Variants in TENM3 observed in about 807,000 individuals in gnomAD.
The protein encoded by TENM3 is teneurin-3.
TENM3 carries 63 observed loss-of-function variants against 255.1 expected under a neutral mutation model. The ratio of observed to expected loss-of-function variants is 0.25; its 90% CI spans 0.20 to 0.30. The LOEUF is 0.30. TENM3 is among the 10% of genes least tolerant of loss of function. TENM3 has a pLI of 1.00. For synonymous variants in TENM3, 1,306 were observed against 1,322.3 expected (o/e 0.99, Z 0.27); for missense variants, 2,929 against 3,461.1 (o/e 0.85, Z 3.86).
intron 1 of TENM3, among the ~76,000 whole-genome samples, chr4:182,197,204 G>A (rs993042284): frequency 2.6e-5 from 4 of 152,244 alleles, no homozygotes; most frequent in South Asian, 4.1e-4. Flanking sequence ...TGCAGCGGGC[G>A]TTCAGTGTTT....
chr4:182,241,518 C>CTTTTTTCTT (rs1554036905), upstream of TENM3, among the ~76,000 whole-genome samples: 15 of 114,276 alleles, frequency 1.3e-4, no homozygotes, highest in African/African-American at 5.8e-4. Flanking sequence ...TTTTTTCTTT[C>CTTTTTTCTT]TTTTTTTTTT....
chr4:181,796,183 T>C, the TENM3 span, among the ~76,000 whole-genome samples: 2 of 152,166 alleles, frequency 1.3e-5, no homozygotes, highest in Non-Finnish European at 2.9e-5. Context: ...CAGTTCAAAC[T>C]TCTTATTGTC....
At chr4:182,232,076 T>C (rs1045637613) in intron 1 of TENM3, among the ~76,000 whole-genome samples, 1 of 152,234 alleles carries the variant, frequency 6.6e-6, no homozygotes, top group African/African-American at 2.4e-5. Flanking sequence ...CAGGCATCTC[T>C]AGCTGTTTTG....
intron 3 of TENM3, among the ~76,000 whole-genome samples, chr4:182,546,534 C>T (rs1052076449): frequency 2.6e-5 from 4 of 152,042 alleles, no homozygotes; most frequent in Non-Finnish European, 5.9e-5. Context: ...CTCATGGGCT[C>T]GAGCAATCCT....
At chr4:182,266,208 C>T (rs1759234462) in intron 1 of TENM3, among the ~76,000 whole-genome samples, 1 of 152,164 alleles carries the variant, frequency 6.6e-6, no homozygotes, top group South Asian at 2.1e-4. Context: ...TAAGAGTTAA[C>T]ATTATAACAT....
the TENM3 span, among the ~76,000 whole-genome samples, chr4:181,463,672 T>G: frequency 6.6e-6 from 1 of 152,322 alleles, no homozygotes; most frequent in South Asian, 2.1e-4. Context: ...CCATAACATT[T>G]ACCTTTTTTG....
At chr4:181,929,101 T>C in the TENM3 span, among the ~76,000 whole-genome samples, 1 of 152,098 alleles carries the variant, frequency 6.6e-6, no homozygotes, top group Non-Finnish European at 1.5e-5. Flanking sequence ...CCGTCGACAC[T>C]ATGAAGAAAC....
intron 3 of TENM3, among the ~76,000 whole-genome samples, chr4:182,590,513 C>T (rs1746495724): frequency 7.2e-6 from 1 of 138,228 alleles, no homozygotes; most frequent in Non-Finnish European, 1.5e-5. Flanking sequence ...TGGCACATGC[C>T]CAGCAATAGA....
the TENM3 span, among the ~76,000 whole-genome samples, chr4:182,070,272 C>T: frequency 4.6e-5 from 7 of 152,100 alleles, no homozygotes; most frequent in Admixed American, 3.3e-4. Flanking sequence ...TGCATAGTTC[C>T]GCAGCCTCAG....
chr4:182,482,149 A>G (rs1580702391), intron 3 of TENM3, among the ~76,000 whole-genome samples: 1 of 152,206 alleles, frequency 6.6e-6, no homozygotes, highest in East Asian at 1.9e-4. Flanking sequence ...TTATAAAAAT[A>G]ATGTAAATTC....
At chr4:181,950,304 T>C in the TENM3 span, among the ~76,000 whole-genome samples, 1 of 151,920 alleles carries the variant, frequency 6.6e-6, no homozygotes, top group African/African-American at 2.4e-5. Context: ...CCCACCCTTA[T>C]CTTCCTTCGC....
intron 3 of TENM3, among the ~76,000 whole-genome samples, chr4:182,476,945 G>A (rs1183580505): frequency 6.6e-6 from 1 of 152,178 alleles, no homozygotes; most frequent in Non-Finnish European, 1.5e-5. Flanking sequence ...ATTGAAATGA[G>A]TCTGTGTTCA....
chr4:181,922,971 T>C, the TENM3 span, among the ~76,000 whole-genome samples: 167 of 152,316 alleles, frequency 1.1e-3, no homozygotes, highest in East Asian at 7.9e-3. Flanking sequence ...CATCTTTATA[T>C]CTGCCTTCAT....
the TENM3 span, among the ~76,000 whole-genome samples, chr4:181,581,797 A>G: frequency 2.4e-4 from 36 of 148,260 alleles, no homozygotes; most frequent in African/African-American, 8.3e-4. Context: ...CAGTGGTGCC[A>G]TCTCGGCTCA....
intron 3 of TENM3, among the ~76,000 whole-genome samples, chr4:182,595,184 G>T (rs550505290): frequency 6.6e-6 from 1 of 152,074 alleles, no homozygotes; most frequent in South Asian, 2.1e-4. Context: ...TCTCAATGGC[G>T]CCTCTCACCA....
the TENM3 span, among the ~76,000 whole-genome samples, chr4:181,898,324 C>G: frequency 6.6e-6 from 1 of 152,038 alleles, no homozygotes; most frequent in Non-Finnish European, 1.5e-5. Context: ...AAAATAGTTA[C>G]CCAATTCCAG....
At chr4:182,582,214 G>A (rs184493076) in intron 3 of TENM3, among the ~76,000 whole-genome samples, 103 of 152,126 alleles carry the variant, frequency 6.8e-4, no homozygotes, top group African/African-American at 2.2e-3. Context: ...GAATTTCTAC[G>A]GTACTGCCTT....
chr4:181,888,516 G>GTATATATATATATA, the TENM3 span, among the ~76,000 whole-genome samples: 3 of 41,510 alleles, frequency 7.2e-5, no homozygotes, highest in South Asian at 1.0e-3. Flanking sequence ...ATATATATAT[G>GTATATATATATATA]TATATATATA....
chr4:182,716,855 A>G (rs1045494913), intron 13 of TENM3, among the ~76,000 whole-genome samples: 2 of 152,204 alleles, frequency 1.3e-5, no homozygotes, highest in African/African-American at 4.8e-5. Flanking sequence ...TTAGTTATCA[A>G]AATGGTGACT....
Sources: allele counts gnomAD v4.1 joint callset (sites outside exome capture counted in the v4.1 genomes callset), GRCh38; gene constraint gnomAD v4.1.1; transcripts MANE v1.5; gene names NCBI Gene and HGNC (gene_info 2026-07-23, HGNC 2026-07-21).